KAZN: variants seen among roughly 807,000 people sequenced by gnomAD.
KAZN encodes kazrin.
Under a neutral mutation model 87.4 loss-of-function variants are expected in KAZN, and 40 were observed. The ratio of observed to expected loss-of-function variants is 0.46; its 90% CI spans 0.36 to 0.60. KAZN has a LOEUF of 0.60. Among genes scored for constraint, KAZN ranks in the 20% least tolerant of loss-of-function variants. The pLI is 0.00. For synonymous variants in KAZN, 466 were observed against 458.3 expected (o/e 1.02, Z -0.22); for missense variants, 898 against 1,073.9 (o/e 0.84, Z 2.29).
intron 1 of KAZN, among the ~76,000 whole-genome samples, chr1:14,937,086 G>C (rs1469869379): frequency 2.6e-5 from 4 of 152,176 alleles, no homozygotes; most frequent in Non-Finnish European, 5.9e-5. Context: ...GCCCCTCTGG[G>C]CATAATTCTT....
intron 1 of KAZN, among the ~76,000 whole-genome samples, chr1:13,969,193 G>A (rs746100258): frequency 1.3e-5 from 2 of 152,178 alleles, no homozygotes; most frequent in Non-Finnish European, 2.9e-5. Context: ...GTTAAAGTGT[G>A]TCCCTGAAAA....
At chr1:14,938,000 G>A (rs1660643780) in intron 1 of KAZN, among the ~76,000 whole-genome samples, 2 of 152,226 alleles carry the variant, frequency 1.3e-5, no homozygotes, top group African/African-American at 2.4e-5. Flanking sequence ...AGCCTTCCTT[G>A]TGTAGAACAG....
chr1:14,625,156 T>C (rs1679042907), intron 1 of KAZN, among the ~76,000 whole-genome samples: 1 of 152,136 alleles, frequency 6.6e-6, no homozygotes, highest in Admixed American at 6.5e-5. Flanking sequence ...CCCAGGGTGA[T>C]GAGCGATATT....
chr1:15,044,218 C>A, intron 4 of KAZN, 59 bp downstream of exon 4: 2 of 1,228,114 alleles, frequency 1.6e-6, no homozygotes, highest in Admixed American at 2.5e-5. Context: ...GTGCTGGGAG[C>A]CGGGACGTCT....
At chr1:14,350,543 A>G (rs1159153089) in intron 2 of KAZN, among the ~76,000 whole-genome samples, 2 of 152,206 alleles carry the variant, frequency 1.3e-5, no homozygotes, top group African/African-American at 4.8e-5. Flanking sequence ...ATATGGTGAC[A>G]TGGGAGGGGA....
intron 1 of KAZN, among the ~76,000 whole-genome samples, chr1:13,942,342 C>A (rs541572482): frequency 2.2e-3 from 333 of 150,502 alleles, no homozygotes; most frequent in African/African-American, 7.5e-3. Flanking sequence ...AGATCGAGAC[C>A]ATCCTGGCTA....
intron 4 of KAZN, among the ~76,000 whole-genome samples, chr1:15,046,304 A>AAAG (rs1673514718): frequency 6.6e-6 from 1 of 151,934 alleles, no homozygotes; most frequent in Admixed American, 6.6e-5. Context: ...TCTCAAAAAA[A>AAAG]AAAGAGAATC....
rs1018295961 is a variant in KAZN at position 14,092,337 on chromosome 1, C to T, written c.92-88098C>T. Among the ~76,000 whole-genome samples the T allele has an allele frequency of 6.0e-5, 9 of 151,050 alleles. No homozygotes were observed. The South Asian group carries it at 6.3e-4, about 11-fold the overall frequency. On this transcript the variant is annotated intron_variant, in intron 1 of 16. Transcript: ENST00000636203. ...TGATCTCCTGACCTCGTGATCTGTC[C>T]GCCTCGGCCTCCCAAAGTGCTGGGA...
intron 1 of KAZN, among the ~76,000 whole-genome samples, chr1:14,170,611 T>C (rs1041764782): frequency 6.6e-6 from 1 of 152,230 alleles, no homozygotes; most frequent in Non-Finnish European, 1.5e-5. Flanking sequence ...CACAGTGTTG[T>C]ATAACCATCA....
chr1:13,952,658 C>CG (rs1390799447), intron 1 of KAZN, among the ~76,000 whole-genome samples: 8 of 45,388 alleles, frequency 1.8e-4, no homozygotes, highest in African/African-American at 6.7e-4. Context: ...TTATAAACCC[C>CG]CGATCGCTTT....
chr1:14,220,649 C>T (rs765148636), intron 2 of KAZN, among the ~76,000 whole-genome samples: 3 of 152,174 alleles, frequency 2.0e-5, no homozygotes, highest in Non-Finnish European at 4.4e-5. Flanking sequence ...CAGTACCAGG[C>T]ACTTTATACT....
At chr1:14,651,301 C>T (rs773261773) in intron 1 of KAZN, among the ~76,000 whole-genome samples, 1 of 152,184 alleles carries the variant, frequency 6.6e-6, no homozygotes, top group Non-Finnish European at 1.5e-5. Flanking sequence ...AGTCATATAG[C>T]CTTCTCCATT....
intron 2 of KAZN, among the ~76,000 whole-genome samples, chr1:14,243,859 G>T (rs1649238363): frequency 6.6e-6 from 1 of 152,108 alleles, no homozygotes; most frequent in South Asian, 2.1e-4. Flanking sequence ...GACTAGATGG[G>T]ATACAGAGCC....
intron 1 of KAZN, among the ~76,000 whole-genome samples, chr1:14,627,661 G>T (rs896995832): frequency 6.6e-6 from 1 of 152,144 alleles, no homozygotes; most frequent in Non-Finnish European, 1.5e-5. Context: ...ATAAATATAT[G>T]TTCAATGACT....
intron 2 of KAZN, among the ~76,000 whole-genome samples, chr1:14,296,183 A>G (rs150398995): frequency 8.2e-4 from 125 of 152,366 alleles, no homozygotes; most frequent in Middle Eastern, 6.8e-3. Context: ...AGAAGACACA[A>G]TAAATGGTAG....
chr1:14,599,969 G>T lies in KAZN; in HGVS notation c.226+746G>T, dbSNP rs1202719906. ...GAGAAGAGGAAGAAAAAGACAGTTG[G>T]TTTGTGTTCACATTGACAGAGATTA... On this transcript the variant is annotated intron_variant, in intron 1 of 14. Transcript: ENST00000376030. This position sits in a 1 kb window ranked among gnomAD's most constrained non-coding sequence, Gnocchi z 4.4. 1.3e-5 allele frequency among the ~76,000 whole-genome samples: 2 copies of T among 152,120 alleles called. No individual in the cohort carries two copies. Among genetic ancestry groups the T allele is most frequent in the African/African-American group, 4.8e-5 (2 of 41,414 alleles).
intron 1 of KAZN, among the ~76,000 whole-genome samples, chr1:14,755,737 A>T (rs1345242424): frequency 2.0e-5 from 3 of 152,152 alleles, no homozygotes; most frequent in African/African-American, 7.2e-5. Context: ...CCCTCTTGGA[A>T]TGGTGCTTTA....
At chr1:14,141,720 A>T (rs1243225090) in intron 1 of KAZN, among the ~76,000 whole-genome samples, 1 of 147,806 alleles carries the variant, frequency 6.8e-6, no homozygotes, top group African/African-American at 2.7e-5. Flanking sequence ...GAGTGAAAAT[A>T]GGTAAAAAAA....
In KAZN at chr1:13,995,511, A is replaced by G. The variant is rs549777660; in HGVS notation, c.91+101755A>G. ...GAGTTTTTTTCTGAAAACTGAAACA[A>G]TATTGGAAGAAATTGAAGAAGAAAA... On this transcript the variant is annotated intron_variant, in intron 1 of 16. Coordinates refer to the KAZN transcript ENST00000636203. Among the ~76,000 whole-genome samples, 294 of 152,354 alleles carry G rather than the reference A, an allele frequency of 1.9e-3. 1 individual carries two copies. The highest frequency in any genetic ancestry group is 6.6e-3 in the African/African-American group (275 of 41,586).
Sources: gnomAD v4.1 joint callset for allele counts (sites outside exome capture counted in the v4.1 genomes callset) on GRCh38, gnomAD v4.1.1 for gene constraint, Gnocchi (gnomAD v3.1) non-coding constraint, MANE v1.5 for transcripts, NCBI Gene and HGNC (gene_info 2026-07-23, HGNC 2026-07-21) for gene names.